Variants in KCNMB2 observed in about 807,000 individuals in gnomAD.
KCNMB2 encodes potassium calcium-activated channel subfamily M regulatory beta subunit 2, also known as calcium-activated potassium channel subunit beta-2.
Under a neutral mutation model 24.5 loss-of-function variants are expected in KCNMB2, and 9 were observed. That is an observed-to-expected ratio of 0.37 (90% CI 0.22 to 0.64). The LOEUF (loss-of-function observed/expected upper bound fraction) is 0.64, where lower values mean the gene tolerates loss of function less well. Ranked by LOEUF, KCNMB2 falls within the 30% of genes least tolerant of loss-of-function variation. KCNMB2 has a pLI of 0.63. For synonymous variants in KCNMB2, 109 were observed against 104.4 expected, an observed-to-expected ratio of 1.04 and a Z score of -0.27; for missense variants, 226 against 284.3, an observed-to-expected ratio of 0.79 and a Z score of 1.47.
intron 1 of KCNMB2, among the ~76,000 whole-genome samples, chr3:178,565,074 A>G (rs1488111148): frequency 6.6e-6 from 1 of 152,186 alleles, no homozygotes; most frequent in Non-Finnish European, 1.5e-5. Flanking sequence ...ATAAGTAGAA[A>G]AATTAACTTT....
intron 1 of KCNMB2, among the ~76,000 whole-genome samples, chr3:178,683,038 G>T (rs1721325826): frequency 6.6e-6 from 1 of 151,896 alleles, no homozygotes; most frequent in African/African-American, 2.4e-5. Context: ...ACATCCACTT[G>T]CGCATTCATT....
chr3:178,567,639 A>C (rs908189353), intron 1 of KCNMB2, among the ~76,000 whole-genome samples: 2 of 135,854 alleles, frequency 1.5e-5, no homozygotes. Context: ...GAAAATTATA[A>C]AAGACAAACA....
intron 1 of KCNMB2, among the ~76,000 whole-genome samples, chr3:178,781,371 T>A (rs964381028): frequency 4.6e-5 from 7 of 151,750 alleles, no homozygotes; most frequent in South Asian, 2.1e-4. Context: ...GTGGGTGGAT[T>A]ACCTGAGGTC....
intron 1 of KCNMB2, among the ~76,000 whole-genome samples, chr3:178,592,645 T>G (rs2108500544): frequency 6.6e-6 from 1 of 152,264 alleles, no homozygotes; most frequent in South Asian, 2.1e-4. Context: ...GTAATCTGGG[T>G]TATACTATTG....
intron 1 of KCNMB2, among the ~76,000 whole-genome samples, chr3:178,653,541 AGCCT>A (rs1720207685): frequency 6.6e-6 from 1 of 152,110 alleles, no homozygotes; most frequent in Non-Finnish European, 1.5e-5. Context: ...TGTTTGCTCT[AGCCT>A]TTTGATATGT....
At chr3:178,691,312 T>G (rs1721668235) in intron 1 of KCNMB2, among the ~76,000 whole-genome samples, 1 of 150,086 alleles carries the variant, frequency 6.7e-6, no homozygotes, top group East Asian at 2.0e-4. Context: ...TTTTTTAACA[T>G]AGATAAACTT....
At chr3:178,681,881 C>A (rs147876264) in intron 1 of KCNMB2, among the ~76,000 whole-genome samples, 1 of 152,144 alleles carries the variant, frequency 6.6e-6, no homozygotes, top group African/African-American at 2.4e-5. Flanking sequence ...GAATGGTCTG[C>A]GGGGAGAGCA....
At chr3:178,801,047 G>A (rs926174598) in intron 1 of KCNMB2, among the ~76,000 whole-genome samples, 1 of 152,038 alleles carries the variant, frequency 6.6e-6, no homozygotes, top group African/African-American at 2.4e-5. Context: ...CAGGAATGGA[G>A]GGAGAAAATG....
chr3:178,740,648 T>A (rs1577140527), intron 1 of KCNMB2, among the ~76,000 whole-genome samples: 1 of 152,234 alleles, frequency 6.6e-6, no homozygotes, highest in East Asian at 1.9e-4. Context: ...ATTTTCTGTA[T>A]CATTATTCAC....
chr3:178,690,670 T>A (rs1384081703), intron 1 of KCNMB2, among the ~76,000 whole-genome samples: 1 of 152,212 alleles, frequency 6.6e-6, no homozygotes, highest in Non-Finnish European at 1.5e-5. Context: ...AAATTATGTT[T>A]TATGCAAAGT....
rs146486383 is a variant in KCNMB2 at position 178,751,038 on chromosome 3, C to T, written c.-67-56305C>T. On this transcript the variant is annotated intron_variant, in intron 1 of 4. Coordinates refer to ENST00000452583, the MANE Select transcript of KCNMB2 (RefSeq NM_181361.3). ...CCTAGAAACCCAGGATAGTTTTGCA[C>T]GACTAATATAGACAACTCACATAAC... is the stretch of plus-strand genomic sequence containing the variant. Among the ~76,000 whole-genome samples, 232 of 152,244 alleles carry T rather than the reference C, an allele frequency of 1.5e-3. 1 individual carries two copies. The highest frequency in any genetic ancestry group is 4.1e-3 in the African/African-American group (172 of 41,540).
At chr3:178,758,004 T>C (rs1460647668) in intron 1 of KCNMB2, among the ~76,000 whole-genome samples, 3,775 of 6,102 alleles carry the variant, frequency 0.62, 1,159 homozygotes, top group Admixed American at 0.63. Flanking sequence ...TATATCTAGA[T>C]ATATATATAT....
intron 1 of KCNMB2, among the ~76,000 whole-genome samples, chr3:178,731,485 AC>A (rs1723148620): frequency 6.6e-6 from 1 of 152,182 alleles, no homozygotes; most frequent in Non-Finnish European, 1.5e-5. Flanking sequence ...CTGATTGAGA[AC>A]CACTGGTCAA....
At chr3:178,573,950 C>T (rs373016161) in intron 1 of KCNMB2, among the ~76,000 whole-genome samples, 21 of 151,744 alleles carry the variant, frequency 1.4e-4, no homozygotes, top group Admixed American at 5.3e-4. Flanking sequence ...AAATTTCCCA[C>T]GTAGAGGAAA....
At chr3:178,626,006 A>G (rs1046000724) in intron 1 of KCNMB2, among the ~76,000 whole-genome samples, 3 of 152,214 alleles carry the variant, frequency 2.0e-5, no homozygotes, top group Admixed American at 6.5e-5. Flanking sequence ...TTTTAAGAAG[A>G]AACTGATCAG....
chr3:178,728,335 C>G (rs374857805), intron 1 of KCNMB2, among the ~76,000 whole-genome samples: 1 of 152,088 alleles, frequency 6.6e-6, no homozygotes, highest in South Asian at 2.1e-4. Flanking sequence ...TCAACAAAAT[C>G]TTTCCAGTGA....
chr3:178,667,447 G>A (rs1416740425), intron 1 of KCNMB2, among the ~76,000 whole-genome samples: 1 of 152,004 alleles, frequency 6.6e-6, no homozygotes, highest in Admixed American at 6.6e-5. Flanking sequence ...ACCTTGTGAG[G>A]ACACACCAAG....
intron 1 of KCNMB2, among the ~76,000 whole-genome samples, chr3:178,626,398 C>T (rs1169188344): frequency 6.6e-6 from 1 of 152,096 alleles, no homozygotes; most frequent in Admixed American, 6.5e-5. Flanking sequence ...GGTAAGTATT[C>T]AACAAGTGAT....
chr3:178,553,746 GC>G (rs1268183832), intron 1 of KCNMB2, among the ~76,000 whole-genome samples: 3 of 151,996 alleles, frequency 2.0e-5, no homozygotes, highest in Non-Finnish European at 4.4e-5. Flanking sequence ...CACCATGTTG[GC>G]CAGGCTGTTC....
Sources: allele counts gnomAD v4.1 joint callset (sites outside exome capture counted in the v4.1 genomes callset), GRCh38; gene constraint gnomAD v4.1.1; transcripts MANE v1.5; gene names NCBI Gene and HGNC (gene_info 2026-07-23, HGNC 2026-07-21).